Variants in SGCG observed in about 807,000 individuals in gnomAD.
The protein encoded by SGCG is sarcoglycan gamma.
A neutral mutation model predicts 29.3 loss-of-function variants in SGCG; 26 were observed. That is an observed-to-expected ratio of 0.89 (90% CI 0.65 to 1.23). The LOEUF (loss-of-function observed/expected upper bound fraction) is 1.23. Among genes scored for constraint, SGCG ranks in the 50% most tolerant of loss-of-function variants. The probability of loss-of-function intolerance (pLI) is 0.00; values close to 1 mark genes in which losing one functional copy is unlikely to be tolerated. For synonymous variants in SGCG, 145 were observed against 129.7 expected, an observed-to-expected ratio of 1.12 and a Z score of -0.80; for missense variants, 353 against 356.0, an observed-to-expected ratio of 0.99 and a Z score of 0.07.
intron 4 of SGCG, among the ~76,000 whole-genome samples, chr13:23,279,146 A>T (rs1881204371): frequency 6.6e-6 from 1 of 152,248 alleles, no homozygotes; most frequent in Non-Finnish European, 1.5e-5. Flanking sequence ...ATATAGGTTA[A>T]CATATGTTTG....
intron 5 of SGCG, among the ~76,000 whole-genome samples, chr13:23,287,781 G>A (rs925743076): frequency 6.6e-6 from 1 of 151,346 alleles, no homozygotes; most frequent in Non-Finnish European, 1.5e-5. Flanking sequence ...TTTTGAGACA[G>A]CGTCTTGCTC....
At chr13:23,225,547 T>C (rs1878861293) in intron 2 of SGCG, among the ~76,000 whole-genome samples, 1 of 152,208 alleles carries the variant, frequency 6.6e-6, no homozygotes, top group African/African-American at 2.4e-5. Context: ...ATTTGGCTTG[T>C]GGGAGCCCTT....
At position 23,222,473 on chromosome 13, in the gene SGCG, A is replaced by G. The variant is rs1878708692; in HGVS notation, c.196-12138A>G. Among the ~76,000 whole-genome samples the G allele has an allele frequency of 2.6e-5, 4 of 151,492 alleles. No homozygotes were observed. The Admixed American group carries it at 2.6e-4, about 10-fold the overall frequency. Reference sequence around the variant, plus strand: ...ATGATTCATTTATTTCCATATAGGTATCTAATTCAATCAGCACTTTTTTTT... The same window carrying G: ...ATGATTCATTTATTTCCATATAGGTGTCTAATTCAATCAGCACTTTTTTTT... On this transcript the variant is annotated intron_variant, in intron 2 of 7. Transcript: ENST00000218867.
At chr13:23,267,249 T>C (rs1451393140) in intron 4 of SGCG, among the ~76,000 whole-genome samples, 3 of 152,228 alleles carry the variant, frequency 2.0e-5, no homozygotes, top group African/African-American at 7.2e-5. Context: ...TTGTCCCAAC[T>C]GCCTAGCAGC....
At chr13:23,187,024 G>C (rs915595238) in intron 1 of SGCG, among the ~76,000 whole-genome samples, 7 of 152,192 alleles carry the variant, frequency 4.6e-5, no homozygotes, top group African/African-American at 1.7e-4. Flanking sequence ...TTCAGCATCA[G>C]TGTCTGCTGT....
chr13:23,254,356 G>A (rs1031458565), intron 4 of SGCG, among the ~76,000 whole-genome samples: 6 of 152,154 alleles, frequency 3.9e-5, no homozygotes, highest in African/African-American at 1.4e-4. Flanking sequence ...AAAGAGCTTA[G>A]CTGCATTGTG....
intron 6 of SGCG, among the ~76,000 whole-genome samples, chr13:23,297,594 A>G (rs550401600): frequency 6.6e-6 from 1 of 152,356 alleles, no homozygotes; most frequent in Non-Finnish European, 1.5e-5. Context: ...TGGTTTAAGA[A>G]CGCCTTTAAG....
chr13:23,296,369 A>G (rs1035841690), intron 6 of SGCG, among the ~76,000 whole-genome samples: 2 of 152,228 alleles, frequency 1.3e-5, no homozygotes, highest in African/African-American at 2.4e-5. Context: ...CAATAAATCC[A>G]TATTTGCAAA....
intron 6 of SGCG, among the ~76,000 whole-genome samples, chr13:23,308,014 A>G (rs1882422084): frequency 6.6e-6 from 1 of 152,208 alleles, no homozygotes; most frequent in South Asian, 2.1e-4. Context: ...ATGTTACATT[A>G]TGTTGTGGTC....
intron 2 of SGCG, among the ~76,000 whole-genome samples, chr13:23,228,856 T>C (rs1398553980): frequency 6.6e-6 from 1 of 152,180 alleles, no homozygotes; most frequent in Non-Finnish European, 1.5e-5. Context: ...ACATTTTCCT[T>C]ATCCAGTCTA....
chr13:23,276,640 C>T (rs1397070614), intron 4 of SGCG, among the ~76,000 whole-genome samples: 4 of 152,116 alleles, frequency 2.6e-5, no homozygotes, highest in African/African-American at 9.7e-5. Context: ...ACCGTGTTGC[C>T]CAGGTTGTCG....
the SGCG span, among the ~76,000 whole-genome samples, chr13:23,171,529 A>G: frequency 6.6e-6 from 1 of 152,190 alleles, no homozygotes; most frequent in East Asian, 1.9e-4. Context: ...CTGTCAAACC[A>G]AGGAGGCTAT....
chr13:23,203,237 G>A (rs1443786063), intron 1 of SGCG, among the ~76,000 whole-genome samples: 20 of 152,308 alleles, frequency 1.3e-4, no homozygotes, highest in Admixed American at 1.2e-3. Flanking sequence ...GGAATTACAG[G>A]CGTGAGCCAC....
At chr13:23,212,770 T>C (rs1878275026) in intron 2 of SGCG, among the ~76,000 whole-genome samples, 1 of 152,094 alleles carries the variant, frequency 6.6e-6, no homozygotes, top group Non-Finnish European at 1.5e-5. Context: ...GCTGGTGGAT[T>C]GGGTCTGGGG....
chr13:23,298,453 C>T (rs1027370344), intron 6 of SGCG, among the ~76,000 whole-genome samples: 8 of 152,074 alleles, frequency 5.3e-5, no homozygotes, highest in African/African-American at 1.9e-4. Flanking sequence ...TATTTAATGT[C>T]CAATTAAATA....
chr13:23,169,663 G>A, the SGCG span, among the ~76,000 whole-genome samples: 1 of 148,990 alleles, frequency 6.7e-6, no homozygotes, highest in Admixed American at 6.7e-5. Context: ...CAGCAACAGA[G>A]AGAGACTCCA....
At chr13:23,238,974 G>A (rs74586325) in intron 3 of SGCG, among the ~76,000 whole-genome samples, 9,325 of 152,120 alleles carry the variant, frequency 0.061, 400 homozygotes, top group Middle Eastern at 0.15. Context: ...AGTAACTAGA[G>A]GGACAATGTC....
chr13:23,161,372 C>G, the SGCG span, among the ~76,000 whole-genome samples: 1 of 152,230 alleles, frequency 6.6e-6, no homozygotes, highest in Non-Finnish European at 1.5e-5. Context: ...TGTGAAACAT[C>G]TACTCATCCA....
At chr13:23,266,727 ATTCTCTC>A (rs933556427) in intron 4 of SGCG, among the ~76,000 whole-genome samples, 9 of 152,196 alleles carry the variant, frequency 5.9e-5, no homozygotes, top group East Asian at 1.9e-4. Context: ...ATAAATTTAA[ATTCTCTC>A]TTCTCTCTTC....
Sources: allele counts gnomAD v4.1 joint callset (sites outside exome capture counted in the v4.1 genomes callset), GRCh38; gene constraint gnomAD v4.1.1; transcripts MANE v1.5; gene names NCBI Gene and HGNC (gene_info 2026-07-23, HGNC 2026-07-21).